Variants in RBFOX1 observed in about 807,000 individuals in gnomAD.
RBFOX1 encodes the protein RNA binding fox-1 homolog 1.
Under a neutral mutation model 57.7 loss-of-function variants are expected in RBFOX1, and 8 were observed. That is an observed-to-expected ratio of 0.14 (90% CI 0.08 to 0.25). The LOEUF (loss-of-function observed/expected upper bound fraction) is 0.25. Among genes scored for constraint, RBFOX1 ranks in the 10% least tolerant of loss-of-function variants. The pLI, the probability that RBFOX1 is intolerant of heterozygous loss-of-function variation, is 1.00. For missense variants in RBFOX1, 611 were observed against 548.5 expected (o/e 1.11, Z -1.14); for synonymous variants, 326 against 222.4 (o/e 1.47, Z -4.15).
At chr16:7,057,157 A>G (rs2052586638) in intron 4 of RBFOX1, among the ~76,000 whole-genome samples, 1 of 152,214 alleles carries the variant, frequency 6.6e-6, no homozygotes, top group Non-Finnish European at 1.5e-5. Context: ...GAGAACACAT[A>G]TCTACTGCCA....
intron 3 of RBFOX1, among the ~76,000 whole-genome samples, chr16:6,673,945 C>G (rs1024032698): frequency 4.6e-5 from 7 of 152,242 alleles, no homozygotes; most frequent in Non-Finnish European, 1.0e-4. Flanking sequence ...AATGGATCTG[C>G]ACACCTCCAG....
chr16:6,886,253 G>C (rs1019570627), intron 3 of RBFOX1, among the ~76,000 whole-genome samples: 7 of 151,606 alleles, frequency 4.6e-5, no homozygotes, highest in Admixed American at 1.3e-4. Flanking sequence ...GTAGAGACGA[G>C]GTCTCACCAT....
intron 1 of RBFOX1, among the ~76,000 whole-genome samples, chr16:6,300,915 C>T (rs1028105546): frequency 6.6e-6 from 1 of 152,278 alleles, no homozygotes; most frequent in South Asian, 2.1e-4. Context: ...CCATTTATCT[C>T]TGAATCCCTA....
At chr16:6,047,681 G>A (rs992472224) in intron 1 of RBFOX1, among the ~76,000 whole-genome samples, 3 of 152,284 alleles carry the variant, frequency 2.0e-5, no homozygotes, top group Non-Finnish European at 4.4e-5. Context: ...ACCCTGATAC[G>A]GAGCAGGGGA....
intron 3 of RBFOX1, among the ~76,000 whole-genome samples, chr16:5,629,729 T>C (rs1279438509): frequency 1.3e-5 from 2 of 152,220 alleles, no homozygotes; most frequent in Non-Finnish European, 2.9e-5. Context: ...TCTCCAACTC[T>C]TGTATTTCAG....
chr16:5,812,891 T>A (rs2055485338), intron 3 of RBFOX1, among the ~76,000 whole-genome samples: 1 of 152,224 alleles, frequency 6.6e-6, no homozygotes, highest in African/African-American at 2.4e-5. Context: ...TGTGTGTATT[T>A]TCTTTGGTGA....
intron 2 of RBFOX1, among the ~76,000 whole-genome samples, chr16:6,398,867 G>A (rs758489940): frequency 6.6e-6 from 1 of 152,184 alleles, no homozygotes; most frequent in Non-Finnish European, 1.5e-5. Flanking sequence ...TTCACTAGGC[G>A]GTGCTCCAGT....
chr16:6,279,816 T>G (rs1410192720), intron 1 of RBFOX1, among the ~76,000 whole-genome samples: 6 of 152,032 alleles, frequency 3.9e-5, no homozygotes, highest in Admixed American at 6.6e-5. Context: ...AAGATAATGA[T>G]AAATGGTAAT....
intron 4 of RBFOX1, among the ~76,000 whole-genome samples, chr16:7,331,614 A>T (rs1392638381): frequency 6.6e-6 from 1 of 152,174 alleles, no homozygotes. Flanking sequence ...AGCTGCCGGT[A>T]CTGCACACAT....
intron 1 of RBFOX1, among the ~76,000 whole-genome samples, chr16:6,225,565 T>A (rs2097410250): frequency 6.6e-6 from 1 of 152,214 alleles, no homozygotes; most frequent in African/African-American, 2.4e-5. Flanking sequence ...ATTCACCTTT[T>A]GCAAATGAGG....
At chr16:5,620,084 C>G (rs971886768) in intron 3 of RBFOX1, among the ~76,000 whole-genome samples, 5 of 151,956 alleles carry the variant, frequency 3.3e-5, no homozygotes, top group African/African-American at 1.2e-4. Flanking sequence ...ATTGGCCTCG[C>G]TTACTTTCCT....
At chr16:6,582,579 G>T (rs987869868) in intron 2 of RBFOX1, among the ~76,000 whole-genome samples, 1 of 151,668 alleles carries the variant, frequency 6.6e-6, no homozygotes, top group Non-Finnish European at 1.5e-5. Flanking sequence ...TCAATGAAAG[G>T]TTAAATTCAT....
At chr16:7,658,666 A>C (rs1399075665) in intron 12 of RBFOX1, among the ~76,000 whole-genome samples, 2 of 152,204 alleles carry the variant, frequency 1.3e-5, no homozygotes, top group Non-Finnish European at 2.9e-5. Flanking sequence ...GAACTCGATG[A>C]GTACCTATTA....
At chr16:6,583,730 A>G (rs978778158) in intron 2 of RBFOX1, among the ~76,000 whole-genome samples, 1 of 152,204 alleles carries the variant, frequency 6.6e-6, no homozygotes, top group Non-Finnish European at 1.5e-5. Flanking sequence ...TAATAGGTCA[A>G]TTACATTATT....
intron 3 of RBFOX1, among the ~76,000 whole-genome samples, chr16:6,962,136 C>A (rs2083151234): frequency 6.6e-6 from 1 of 152,160 alleles, no homozygotes; most frequent in African/African-American, 2.4e-5. Flanking sequence ...CCTCTGAAGT[C>A]TTGATAGGAG....
intron 3 of RBFOX1, among the ~76,000 whole-genome samples, chr16:5,740,047 A>AT (rs1165509641): frequency 1.3e-5 from 2 of 151,996 alleles, no homozygotes; most frequent in Admixed American, 6.5e-5. Context: ...TGAAATTGGT[A>AT]TTTTTCCACA....
intron 2 of RBFOX1, among the ~76,000 whole-genome samples, chr16:6,486,836 C>T (rs1257444170): frequency 6.6e-6 from 1 of 151,882 alleles, no homozygotes; most frequent in Non-Finnish European, 1.5e-5. Flanking sequence ...TCAACAGGAG[C>T]AAATGAGAAG....
intron 3 of RBFOX1, among the ~76,000 whole-genome samples, chr16:6,898,486 A>G (rs756272284): frequency 6.6e-6 from 1 of 152,214 alleles, no homozygotes; most frequent in Non-Finnish European, 1.5e-5. Flanking sequence ...AATTCAGTCC[A>G]TAGTAAAGAT....
chr16:5,374,767 C>G (rs1471713933), intron 1 of RBFOX1, among the ~76,000 whole-genome samples: 1 of 149,192 alleles, frequency 6.7e-6, no homozygotes, highest in Non-Finnish European at 1.5e-5. Flanking sequence ...ACGACTATTT[C>G]ATGATGTGTG....
Sources: gnomAD v4.1 joint callset for allele counts (sites outside exome capture counted in the v4.1 genomes callset) on GRCh38, gnomAD v4.1.1 for gene constraint, MANE v1.5 for transcripts, NCBI Gene and HGNC (gene_info 2026-07-23, HGNC 2026-07-21) for gene names.